Variants in MYH15 observed in about 807,000 individuals in gnomAD.
MYH15 encodes the protein myosin heavy chain 15.
MYH15 carries 227 observed loss-of-function variants against 240.5 expected under a neutral mutation model. The ratio of observed to expected loss-of-function variants is 0.94; its 90% confidence interval spans 0.85 to 1.05. The LOEUF (loss-of-function observed/expected upper bound fraction) is 1.05. Among genes scored for constraint, MYH15 ranks in the 50% least tolerant of loss-of-function variants. MYH15 has a pLI of 0.00. For missense variants in MYH15, 2,217 were observed against 2,247.5 expected (o/e 0.99, Z 0.27); for synonymous variants, 785 against 796.7 (o/e 0.99, Z 0.25).
intron 35 of MYH15, among the ~76,000 whole-genome samples, chr3:108,395,627 TTTTC>T (rs1207757246): frequency 2.2e-5 from 3 of 135,422 alleles, no homozygotes; most frequent in African/African-American, 5.4e-5. Context: ...TTTGTTTTTT[TTTTC>T]TTTCTTTTTT....
At chr3:108,409,789 A>G (rs2107547371) in intron 31 of MYH15, among the ~76,000 whole-genome samples, 1 of 152,344 alleles carries the variant, frequency 6.6e-6, no homozygotes, top group South Asian at 2.1e-4. Flanking sequence ...TTCTACTGAA[A>G]TATTTTTACA....
the MYH15 span, among the ~76,000 whole-genome samples, chr3:108,540,111 T>G: frequency 6.6e-5 from 10 of 152,312 alleles, no homozygotes; most frequent in Middle Eastern, 6.8e-3. Flanking sequence ...AAATTTAAGA[T>G]TCATTCAAAT....
At chr3:108,418,266 TG>T (rs2082650415) in intron 28 of MYH15, among the ~76,000 whole-genome samples, 1 of 152,236 alleles carries the variant, frequency 6.6e-6, no homozygotes, top group African/African-American at 2.4e-5. Context: ...GCATACTTCT[TG>T]TTTTGTCACA....
intron 1 of MYH15, among the ~76,000 whole-genome samples, chr3:108,519,355 A>T (rs2083599073): frequency 6.6e-6 from 1 of 152,188 alleles, no homozygotes; most frequent in Non-Finnish European, 1.5e-5. Context: ...AATACATCTG[A>T]ATTGTATTGC....
upstream of MYH15, among the ~76,000 whole-genome samples, chr3:108,510,986 AT>A (rs2083518781): frequency 6.6e-6 from 1 of 152,170 alleles, no homozygotes; most frequent in South Asian, 2.1e-4. Context: ...TTGTGGAGAA[AT>A]GGTCCTTAAA....
the MYH15 span, among the ~76,000 whole-genome samples, chr3:108,535,492 C>T: frequency 2.0e-5 from 3 of 152,062 alleles, no homozygotes; most frequent in African/African-American, 7.2e-5. Context: ...CTCCCAAAGG[C>T]CCCACATCCA....
In MYH15 at chr3:108,437,688, G is replaced by A. The variant is rs1560364465; in HGVS notation, c.3087C>T (p.Ala1029=). 4 of 1,612,768 alleles carry A rather than the reference G, an allele frequency of 2.5e-6. No individual in the cohort carries two copies. Among genetic ancestry groups the A allele is most frequent in the Non-Finnish European group, 3.4e-6 (4 of 1,179,630 alleles). Residue 1029 remains alanine, a synonymous_variant, in exon 25 of 41, where the codon GCC becomes GCT. Coordinates refer to ENST00000693548, the MANE Select transcript of MYH15 (RefSeq NM_014981.3). ...LEQQVDELEG[A]LEQERKARMN... ...TTCTCGCTTTTCTCTCCTGCTCAAG[G>A]GCACCCTCAAGCTGACAAAAGGAAA...
intron 37 of MYH15, among the ~76,000 whole-genome samples, chr3:108,389,894 G>A (rs1351764027): frequency 3.3e-5 from 5 of 152,160 alleles, no homozygotes; most frequent in African/African-American, 1.2e-4. Flanking sequence ...GGGAAGGCCA[G>A]TGCCCTGAGG....
chr3:108,512,472 A>G (rs2083528886), upstream of MYH15, among the ~76,000 whole-genome samples: 1 of 152,118 alleles, frequency 6.6e-6, no homozygotes, highest in Non-Finnish European at 1.5e-5. Context: ...GTGACTTCCT[A>G]GTGGCTTGCA....
At chr3:108,402,894 T>C (rs2082517035) in intron 33 of MYH15, among the ~76,000 whole-genome samples, 1 of 152,214 alleles carries the variant, frequency 6.6e-6, no homozygotes, top group Admixed American at 6.5e-5. Flanking sequence ...CTAGCCTTGT[T>C]TCCTGTCTAA....
intron 14 of MYH15, among the ~76,000 whole-genome samples, chr3:108,469,069 AT>A (rs1160066464): frequency 6.6e-6 from 1 of 152,230 alleles, no homozygotes; most frequent in Non-Finnish European, 1.5e-5. Flanking sequence ...TATAAAATAA[AT>A]AAAATCAACG....
At chr3:108,471,254 A>G (rs1010547510) in intron 12 of MYH15, among the ~76,000 whole-genome samples, 2 of 152,070 alleles carry the variant, frequency 1.3e-5, no homozygotes, top group African/African-American at 4.8e-5. Flanking sequence ...ATCCCGGGGT[A>G]TGGTGTGGTG....
At chr3:108,458,259 C>G (rs2083040786) in intron 18 of MYH15, among the ~76,000 whole-genome samples, 1 of 152,146 alleles carries the variant, frequency 6.6e-6, no homozygotes, top group Non-Finnish European at 1.5e-5. Context: ...TAATAGGTAA[C>G]AGAATTGCTC....
intron 32 of MYH15, among the ~76,000 whole-genome samples, chr3:108,405,714 T>G (rs1012995065): frequency 2.0e-5 from 3 of 152,176 alleles, no homozygotes; most frequent in African/African-American, 7.2e-5. Context: ...AAATAGAAAA[T>G]TTCACTCTTG....
upstream of MYH15, among the ~76,000 whole-genome samples, chr3:108,530,804 T>C (rs2688250): frequency 0.15 from 23,041 of 152,000 alleles, 2,157 homozygotes; most frequent in Non-Finnish European, 0.22. Flanking sequence ...AGAAGAAAAG[T>C]CCAATCAAAA....
Position 108,389,068 on chromosome 3 carries a change from C to G in MYH15, c.5437G>C (p.Glu1813Gln), listed in dbSNP as rs143417195. ...TCACCCTCCAGTTCACCTTCCAGTT[C>G]ACGAACCTGCAACCAAAACGTGACC... ...QIQKLESRVRELEGELEGEIR... is the reference protein window; with the variant it reads ...QIQKLESRVRQLEGELEGEIR... Residue 1813 changes from glutamate (E) to glutamine (Q), a missense_variant, in exon 38 of 41, where the codon GAA becomes CAA. Glu to Gln is a conservative substitution (Grantham distance 29). Transcript: ENST00000693548. 4.3e-6 allele frequency: 7 copies of G among 1,613,886 alleles called. No homozygotes were observed. Among genetic ancestry groups the G allele is most frequent in the African/African-American group, 2.7e-5 (2 of 75,008 alleles).
At position 108,463,462 on chromosome 3, in the gene MYH15, A is replaced by G. The variant is rs147859151; in HGVS notation, c.1732-219T>C. 7.2e-3 allele frequency among the ~76,000 whole-genome samples: 1,093 copies of G among 152,086 alleles called. 9 individuals carry two copies. The highest frequency in any genetic ancestry group is 0.025 in the African/African-American group (1,024 of 41,494). On this transcript the variant is annotated intron_variant, in intron 15 of 40. Transcript: ENST00000693548. ...CCAGAGTAGCTGGGACTATAGGCAC[A>G]TGCCACCATGCCTGGCTAATTTTTT... is the stretch of plus-strand genomic sequence containing the variant.
chr3:108,491,795 T>C (rs1279454318), intron 9 of MYH15, among the ~76,000 whole-genome samples: 1 of 152,198 alleles, frequency 6.6e-6, no homozygotes, highest in African/African-American at 2.4e-5. Context: ...TTTCCTTTAA[T>C]CAACCTGGTC....
upstream of MYH15, among the ~76,000 whole-genome samples, chr3:108,512,382 G>C (rs947128987): frequency 2.6e-5 from 4 of 152,174 alleles, no homozygotes; most frequent in African/African-American, 7.2e-5. Context: ...ATTCTGGGTA[G>C]ATGAGGATGA....
Sources: allele counts gnomAD v4.1 joint callset (sites outside exome capture counted in the v4.1 genomes callset), GRCh38; gene constraint gnomAD v4.1.1; transcripts MANE v1.5; gene names NCBI Gene and HGNC (gene_info 2026-07-23, HGNC 2026-07-21).